CRHR1: variants seen among roughly 807,000 people sequenced by gnomAD.
CRHR1 encodes corticotropin-releasing hormone receptor 1.
CRHR1 carries 28 observed loss-of-function variants against 56.0 expected under a neutral mutation model. The ratio of observed to expected loss-of-function variants is 0.50; its 90% CI spans 0.37 to 0.69. The LOEUF is 0.69. Ranked by LOEUF, CRHR1 falls within the 30% of genes least tolerant of loss-of-function variation. The pLI, the probability that CRHR1 is intolerant of heterozygous loss-of-function variation, is 0.00. For synonymous variants in CRHR1, 195 were observed against 216.5 expected (o/e 0.90, Z 0.87); for missense variants, 376 against 548.0 (o/e 0.69, Z 3.13).
At chr17:45,826,237 A>T (rs1232103289) in intron 4 of CRHR1, 3 of 152,346 alleles carry the variant, frequency 2.0e-5, no homozygotes, top group African/African-American at 7.2e-5. Flanking sequence ...CTCTCCAGGT[A>T]TCACTGGCCA....
intron 4 of CRHR1, among the ~76,000 whole-genome samples, chr17:45,824,694 G>A (rs1201580342): frequency 6.6e-6 from 1 of 152,166 alleles, no homozygotes; most frequent in Non-Finnish European, 1.5e-5. Flanking sequence ...CTTAGGGTTT[G>A]GGTTTCAACG....
rs550550908 is a variant in CRHR1, at chr17:45,784,874, G to T, written c.33+297G>T. Reference sequence around the variant, plus strand: ...GCGCCAAGAATCGCTCTAGGCTCTCGGGCAGACGCCTAGGGGAGGGGAGGT... The same window carrying T: ...GCGCCAAGAATCGCTCTAGGCTCTCTGGCAGACGCCTAGGGGAGGGGAGGT... On this transcript the variant is annotated intron_variant, in intron 1 of 12. Transcript: ENST00000314537. The surrounding 1 kb of genome is among the most constrained non-coding windows in gnomAD (Gnocchi z 4.2). 6.7e-4 allele frequency among the ~76,000 whole-genome samples: 102 copies of T among 152,276 alleles called. No homozygotes were observed. The highest frequency in any genetic ancestry group is 2.2e-3 in the African/African-American group (92 of 41,574).
At chr17:45,815,154 A>C (rs242941) in intron 2 of CRHR1, among the ~76,000 whole-genome samples, 95,264 of 152,162 alleles carry the variant, frequency 0.63, 31,535 homozygotes, top group East Asian at 0.91. Flanking sequence ...CTGCCCCCAC[A>C]CGCGCTGGTT....
chr17:45,793,325 A>G (rs9892359), intron 1 of CRHR1, among the ~76,000 whole-genome samples: 24,476 of 152,178 alleles, frequency 0.16, 2,696 homozygotes, highest in African/African-American at 0.31. Context: ...ATGTTGCTAG[A>G]GGGAATTGTG....
At chr17:45,827,990 A>G (rs1207932828) in intron 4 of CRHR1, 3 of 152,194 alleles carry the variant, frequency 2.0e-5, no homozygotes, top group South Asian at 2.1e-4. Flanking sequence ...GTGCCTCATG[A>G]TCATTCAGCC....
At chr17:45,806,163 G>C (rs2061715139) in intron 1 of CRHR1, among the ~76,000 whole-genome samples, 1 of 152,230 alleles carries the variant, frequency 6.6e-6, no homozygotes, top group South Asian at 2.1e-4. Context: ...GTCGGGAGGG[G>C]GGTAATGCGA....
At chr17:45,803,616 C>A (rs971027204) in intron 1 of CRHR1, among the ~76,000 whole-genome samples, 2 of 152,168 alleles carry the variant, frequency 1.3e-5, no homozygotes, top group Non-Finnish European at 2.9e-5. Context: ...AAACTCCCGA[C>A]CTCAGGTGAT....
chr17:45,831,083 C>A, intron 8 of CRHR1, 143 bp downstream of exon 8: 1 of 801,846 alleles, frequency 1.2e-6, no homozygotes, highest in Non-Finnish European at 2.0e-6. Flanking sequence ...GATCTGGGGG[C>A]TGGACTCATT....
chr17:45,808,733 C>T (rs1305298842), intron 2 of CRHR1, among the ~76,000 whole-genome samples: 2 of 152,096 alleles, frequency 1.3e-5, no homozygotes, highest in Non-Finnish European at 2.9e-5. Flanking sequence ...AGTGCAGCCT[C>T]GATCTTCTGA....
chr17:45,831,207 C>CAGAATCGTGGCTCCATCTTT (rs56265460), intron 8 of CRHR1, among the ~76,000 whole-genome samples: 21,771 of 152,160 alleles, frequency 0.14, 2,121 homozygotes, highest in Non-Finnish European at 0.22. Flanking sequence ...TGCCCAGGTT[C>CAGAATCGTGGCTCCATCTTT]AAATAGCTGT....
In CRHR1 at chr17:45,821,579, G is replaced by C. The variant is rs891818550; in HGVS notation, c.327+139G>C. The C allele has an allele frequency of 3.6e-6, 3 of 839,150 alleles. No individual in the cohort carries two copies. The African/African-American group carries it at 5.0e-5, about 14-fold the overall frequency. The allele number at this position is 839,150 out of a possible 1,614,324, so 52.0% of individuals were successfully genotyped here. A position where few individuals can be genotyped will look rare whatever the true frequency, so the allele number is the denominator to read the frequency against. On this transcript the variant is annotated intron_variant, in intron 4 of 12. Transcript: ENST00000314537. Reference sequence around the variant, plus strand: ...TCTAGTGAAGCTGACTGGGGAGCTGGAGCTGTCAACTTGGAAAAGGCCCAT... The same window carrying C: ...TCTAGTGAAGCTGACTGGGGAGCTGCAGCTGTCAACTTGGAAAAGGCCCAT...
At chr17:45,801,590 G>A (rs1437991837) in intron 1 of CRHR1, among the ~76,000 whole-genome samples, 1 of 152,238 alleles carries the variant, frequency 6.6e-6, no homozygotes, top group Non-Finnish European at 1.5e-5. Context: ...GGGCTGCCAG[G>A]CTGTGCACGG....
chr17:45,818,916 A>C (rs1334800820), intron 3 of CRHR1, among the ~76,000 whole-genome samples: 1 of 152,106 alleles, frequency 6.6e-6, no homozygotes. Flanking sequence ...AAAGACAAGG[A>C]GGTCGCATCC....
At chr17:45,795,454 C>T (rs1287607141) in intron 1 of CRHR1, among the ~76,000 whole-genome samples, 1 of 152,166 alleles carries the variant, frequency 6.6e-6, no homozygotes, top group Non-Finnish European at 1.5e-5. Context: ...TGGGGGCTGG[C>T]CTGTGCATTT....
intron 2 of CRHR1, among the ~76,000 whole-genome samples, chr17:45,810,532 A>C (rs1294287591): frequency 2.6e-5 from 4 of 152,244 alleles, no homozygotes; most frequent in Admixed American, 1.3e-4. Flanking sequence ...TTTTGCCACC[A>C]GCACTGCGTT....
At chr17:45,803,836 G>T (rs1032646681) in intron 1 of CRHR1, among the ~76,000 whole-genome samples, 4 of 152,172 alleles carry the variant, frequency 2.6e-5, no homozygotes, top group African/African-American at 9.7e-5. Context: ...CAGATGTGGG[G>T]TGGGAAACGA....
chr17:45,800,122 GTGTC>G (rs1360974211), intron 1 of CRHR1, among the ~76,000 whole-genome samples: 1 of 152,204 alleles, frequency 6.6e-6, no homozygotes, highest in African/African-American at 2.4e-5. Flanking sequence ...ATGTATGTGT[GTGTC>G]TGTCTGTCCT....
intron 1 of CRHR1, among the ~76,000 whole-genome samples, chr17:45,798,687 C>T (rs952631759): frequency 1.7e-5 from 2 of 120,202 alleles, no homozygotes; most frequent in East Asian, 2.6e-4. Context: ...AGGTGACCCA[C>T]TATTTCTAGC....
intron 8 of CRHR1, among the ~76,000 whole-genome samples, chr17:45,831,589 C>A (rs2062310536): frequency 6.6e-6 from 1 of 152,176 alleles, no homozygotes; most frequent in Non-Finnish European, 1.5e-5. Flanking sequence ...GGAAAAGTAC[C>A]AATGCCCAGG....
Sources: allele counts gnomAD v4.1 joint callset (sites outside exome capture counted in the v4.1 genomes callset), GRCh38; gene constraint gnomAD v4.1.1; non-coding constraint Gnocchi (gnomAD v3.1); transcripts MANE v1.5; gene names NCBI Gene and HGNC (gene_info 2026-07-23, HGNC 2026-07-21).